KCNN2: variants seen among roughly 807,000 people sequenced by gnomAD.
KCNN2 encodes the protein potassium calcium-activated channel subfamily N member 2, also known as small conductance calcium-activated potassium channel protein 2.
A neutral mutation model predicts 55.5 loss-of-function variants in KCNN2; 24 were observed. That is an observed-to-expected ratio of 0.43 (90% CI 0.31 to 0.61). The LOEUF (loss-of-function observed/expected upper bound fraction) is 0.61, where lower values mean the gene tolerates loss of function less well. Ranked by LOEUF, KCNN2 falls within the 20% of genes least tolerant of loss-of-function variation. The pLI is 0.08. For missense variants in KCNN2, 754 were observed against 853.6 expected (o/e 0.88, Z 1.45); for synonymous variants, 431 against 336.1 (o/e 1.28, Z -3.09).
chr5:114,168,096 GTTTT>G (rs1485830652), intron 1 of KCNN2, among the ~76,000 whole-genome samples: 5 of 149,918 alleles, frequency 3.3e-5, no homozygotes, highest in African/African-American at 1.2e-4. Context: ...GTTGTTTCTA[GTTTT>G]TTTAAGTTTT....
intron 1 of KCNN2, among the ~76,000 whole-genome samples, chr5:114,159,730 G>C (rs538475757): frequency 6.4e-4 from 97 of 152,212 alleles, no homozygotes; most frequent in Middle Eastern, 3.4e-3. Flanking sequence ...GTTTAGTCTT[G>C]GGAGGGTGTA....
At chr5:114,228,342 A>C (rs1450796848) in intron 2 of KCNN2, among the ~76,000 whole-genome samples, 1 of 152,146 alleles carries the variant, frequency 6.6e-6, no homozygotes, top group East Asian at 1.9e-4. Flanking sequence ...GTAGAAAAGA[A>C]AGTCTTGAAT....
intron 1 of KCNN2, among the ~76,000 whole-genome samples, chr5:114,088,342 T>G (rs1278051343): frequency 3.9e-5 from 6 of 152,030 alleles, no homozygotes; most frequent in Admixed American, 3.9e-4. Flanking sequence ...AAGATTATGA[T>G]GTGCTTTGAT....
rs1753983864 is a variant in KCNN2, at chr5:114,215,504, T to C, written c.-270-5976T>C. On this transcript the variant is annotated intron_variant, in intron 1 of 10. Transcript: ENST00000512097. ...CTCTAAGGCAGGAAGGGATCATGCT[T>C]GACTCCAGGCTTTGAAAAACAGTTG... 5.3e-5 allele frequency among the ~76,000 whole-genome samples: 8 copies of C among 152,154 alleles called. 1 individual carries two copies. In the South Asian group the frequency reaches 1.7e-3, roughly 31 times the overall value.
At chr5:114,459,947 A>AAAGGT (rs1420792466) in intron 3 of KCNN2, among the ~76,000 whole-genome samples, 1 of 152,210 alleles carries the variant, frequency 6.6e-6, no homozygotes, top group African/African-American at 2.4e-5. Flanking sequence ...AGCATTTGTT[A>AAAGGT]AAGGTAAGCG....
intron 3 of KCNN2, among the ~76,000 whole-genome samples, chr5:114,451,055 G>A (rs530124092): frequency 6.6e-6 from 1 of 152,302 alleles, no homozygotes; most frequent in African/African-American, 2.4e-5. Flanking sequence ...TAACATAGTA[G>A]TGAAAGTTAT....
intron 1 of KCNN2, among the ~76,000 whole-genome samples, chr5:114,118,831 T>C (rs1751772890): frequency 6.6e-6 from 1 of 152,148 alleles, no homozygotes; most frequent in Non-Finnish European, 1.5e-5. Context: ...CAGCTGATGA[T>C]GTCCTTCTCA....
intron 2 of KCNN2, among the ~76,000 whole-genome samples, chr5:114,258,346 ACATTG>A (rs780034310): frequency 4.7e-4 from 71 of 152,232 alleles, no homozygotes; most frequent in Non-Finnish European, 8.7e-4. Flanking sequence ...TATTAGGGTG[ACATTG>A]GCTTCTAGAA....
At chr5:114,204,697 C>A (rs560386165) in intron 1 of KCNN2, among the ~76,000 whole-genome samples, 1 of 152,328 alleles carries the variant, frequency 6.6e-6, no homozygotes, top group East Asian at 1.9e-4. Context: ...GGCCGTGTCA[C>A]ATTATGGTGA....
intron 6 of KCNN2, among the ~76,000 whole-genome samples, chr5:114,487,459 C>A (rs1747629291): frequency 6.6e-6 from 1 of 152,004 alleles, no homozygotes. Context: ...CTTAATTTGA[C>A]CTATTTATTC....
At chr5:114,455,039 T>C (rs1033861569) in intron 3 of KCNN2, among the ~76,000 whole-genome samples, 1 of 152,208 alleles carries the variant, frequency 6.6e-6, no homozygotes, top group African/African-American at 2.4e-5. Context: ...TAATATTCAA[T>C]TTTCTATCCT....
At chr5:114,068,746 CAGT>C (rs1750503612) in intron 1 of KCNN2, among the ~76,000 whole-genome samples, 2 of 152,192 alleles carry the variant, frequency 1.3e-5, no homozygotes, top group African/African-American at 4.8e-5. Flanking sequence ...GAGGAAGAGA[CAGT>C]GGTCAAATTG....
chr5:114,362,682 G>T lies in KCNN2; in HGVS notation c.543G>T (p.Pro181=). The change falls in exon 1 of 8, where the codon CCG becomes CCT. Residue 181 remains proline, a synonymous_variant. Coordinates refer to ENST00000673685, the MANE Select transcript of KCNN2 (RefSeq NM_021614.4). ...GSLGSLGSGP[P]LSHHHHHPHP... is the part of the protein sequence containing the mutation. ...TCGGCAGTCTGGGCTCCGGGCCCCC[G>T]CTCTCGCACCACCACCACCACCCGC... 6.9e-7 allele frequency: 1 copy of T among 1,439,632 alleles called. No homozygotes were observed. The highest frequency in any genetic ancestry group is 1.5e-5 in the South Asian group (1 of 68,700). The allele number at this position is 1,439,632 out of a possible 1,614,324, so 89.2% of individuals were successfully genotyped here.
intron 1 of KCNN2, among the ~76,000 whole-genome samples, chr5:114,214,466 A>G (rs1753960459): frequency 6.6e-6 from 1 of 152,102 alleles, no homozygotes; most frequent in Non-Finnish European, 1.5e-5. Context: ...CATTCTTGGT[A>G]CTAGGCAAAC....
At chr5:114,462,283 T>C (rs1337310374) in intron 3 of KCNN2, among the ~76,000 whole-genome samples, 1 of 152,218 alleles carries the variant, frequency 6.6e-6, no homozygotes, top group Non-Finnish European at 1.5e-5. Flanking sequence ...GCTTTCTTCC[T>C]TACCAGTAAA....
intron 1 of KCNN2, among the ~76,000 whole-genome samples, chr5:114,202,581 A>AT (rs1184272820): frequency 2.9e-5 from 2 of 69,468 alleles, no homozygotes; most frequent in African/African-American, 1.2e-4. Flanking sequence ...ATATATATAT[A>AT]TATATTTTTT....
Position 114,473,116 on chromosome 5 carries a change from A to G in KCNN2, c.1842A>G (p.Ala614=). The change falls in exon 5 of 8, where the codon GCA becomes GCG. Residue 614 remains alanine (A), a synonymous_variant. Transcript: ENST00000673685. ...CAAGGAAGCTAGAACTTACCAAAGC[A>G]GAAAAACACGTGCACAATTTCATGA... is the stretch of plus-strand genomic sequence containing the variant. ...VVARKLELTK[A]EKHVHNFMMD... The G allele has an allele frequency of 6.2e-7, 1 of 1,612,632 alleles. No individual in the cohort carries two copies. The highest frequency in any genetic ancestry group is 8.5e-7 in the Non-Finnish European group (1 of 1,179,272).
chr5:114,445,057 A>G (rs1430874457), intron 3 of KCNN2, among the ~76,000 whole-genome samples: 2 of 152,186 alleles, frequency 1.3e-5, no homozygotes, highest in Non-Finnish European at 2.9e-5. Flanking sequence ...TGAATACAGT[A>G]GTAACATAAC....
At chr5:114,105,880 A>G (rs180748761) in intron 1 of KCNN2, among the ~76,000 whole-genome samples, 2 of 152,026 alleles carry the variant, frequency 1.3e-5, no homozygotes, top group Admixed American at 1.3e-4. Flanking sequence ...TTCCATCAAT[A>G]TTATCATTTC....
Sources: allele counts gnomAD v4.1 joint callset (sites outside exome capture counted in the v4.1 genomes callset), GRCh38; gene constraint gnomAD v4.1.1; transcripts MANE v1.5; gene names NCBI Gene and HGNC (gene_info 2026-07-23, HGNC 2026-07-21).